Variants in MANBAL observed in about 807,000 individuals in gnomAD.
MANBAL encodes protein MANBAL.
MANBAL carries 1 observed loss-of-function variant against 6.4 expected under a neutral mutation model. The observed-to-expected ratio is 0.16, with a 90% CI of 0.06 to 0.74. The LOEUF is 0.74. Among genes scored for constraint, MANBAL ranks in the 30% least tolerant of loss-of-function variants. The probability of loss-of-function intolerance (pLI) is 0.78; values close to 1 mark genes in which losing one functional copy is unlikely to be tolerated. For missense variants in MANBAL, 100 were observed against 107.8 expected (o/e 0.93, Z 0.32); for synonymous variants, 47 against 45.8 (o/e 1.03, Z -0.10).
intron 2 of MANBAL, chr20:37,302,323 G>T: frequency 6.4e-7 from 1 of 1,550,482 alleles, no homozygotes; most frequent in Non-Finnish European, 8.7e-7. Context: ...CAGGTTATTG[G>T]GTACGAATAC....
intron 1 of MANBAL, among the ~76,000 whole-genome samples, chr20:37,291,123 T>G (rs2068857562): frequency 6.6e-6 from 1 of 152,238 alleles, no homozygotes; most frequent in Non-Finnish European, 1.5e-5. Flanking sequence ...GAGCTATACT[T>G]GTCTCAGTGG....
At chr20:37,303,320 AT>A in intron 2 of MANBAL, among the ~76,000 whole-genome samples, 1 of 152,352 alleles carries the variant, frequency 6.6e-6, no homozygotes, top group East Asian at 1.9e-4. Flanking sequence ...CAGTTGGGAC[AT>A]TAGAAGTTTT....
intron 2 of MANBAL, among the ~76,000 whole-genome samples, chr20:37,315,013 GCTT>G (rs1248285000): frequency 2.6e-5 from 4 of 152,026 alleles, no homozygotes; most frequent in African/African-American, 9.7e-5. Context: ...GTCTTAGTCT[GCTT>G]CTTATTTTCC....
rs111489451 is a variant in MANBAL, at chr20:37,301,059, C to T, written c.-56-149C>T. 1,031 of 319,856 alleles carry T rather than the reference C, an allele frequency of 3.2e-3. 12 individuals carry two copies. The highest frequency in any genetic ancestry group is 0.02 in the African/African-American group (930 of 46,354). 19.8% of individuals were successfully genotyped at this position (319,856 alleles called of 1,614,324 possible). A position where few individuals can be genotyped will look rare whatever the true frequency, so the allele number is the denominator to read the frequency against. On this transcript the variant is annotated intron_variant, in intron 1 of 2. Coordinates refer to ENST00000373606, the MANE Select transcript of MANBAL (RefSeq NM_001003897.2). ...TCGGGAGGCCAAGGCAAGAGAATCACTTGAACCCAGGAGGCCGAAGTTGCA... is the reference window on the plus strand; with the variant it reads ...TCGGGAGGCCAAGGCAAGAGAATCATTTGAACCCAGGAGGCCGAAGTTGCA...
chr20:37,305,039 ACCTTGG>A (rs2069226053), intron 2 of MANBAL, among the ~76,000 whole-genome samples: 1 of 152,036 alleles, frequency 6.6e-6, no homozygotes, highest in Non-Finnish European at 1.5e-5. Context: ...GGGTGGGAAA[ACCTTGG>A]TGAACAGGGA....
At chr20:37,297,096 A>G (rs904541838) in intron 1 of MANBAL, 2 of 152,094 alleles carry the variant, frequency 1.3e-5, no homozygotes, top group Non-Finnish European at 2.9e-5. Flanking sequence ...AACTGCGGAG[A>G]AATGAGGACG....
At chr20:37,309,827 A>C (rs1033711967) in intron 2 of MANBAL, among the ~76,000 whole-genome samples, 1 of 152,152 alleles carries the variant, frequency 6.6e-6, no homozygotes, top group African/African-American at 2.4e-5. Flanking sequence ...CCAGGCAAGC[A>C]TCCACCCATT....
At chr20:37,300,828 G>A (rs779518477) in intron 1 of MANBAL, among the ~76,000 whole-genome samples, 2 of 152,168 alleles carry the variant, frequency 1.3e-5, no homozygotes, top group Non-Finnish European at 2.9e-5. Context: ...TCTTGGGTGT[G>A]TGTGTGTGTG....
chr20:37,315,633 C>T (rs1401658046), intron 2 of MANBAL, among the ~76,000 whole-genome samples: 4 of 152,384 alleles, frequency 2.6e-5, no homozygotes, highest in East Asian at 1.9e-4. Flanking sequence ...CTGCTCCTGT[C>T]GCCCAGGGAG....
At chr20:37,291,766 A>C (rs981775418) in intron 1 of MANBAL, among the ~76,000 whole-genome samples, 5 of 151,966 alleles carry the variant, frequency 3.3e-5, no homozygotes, top group African/African-American at 1.2e-4. Flanking sequence ...AGGAGATCTG[A>C]TGGTTTTATA....
At chr20:37,303,120 A>G (rs1474477171) in intron 2 of MANBAL, among the ~76,000 whole-genome samples, 1 of 152,238 alleles carries the variant, frequency 6.6e-6, no homozygotes, top group African/African-American at 2.4e-5. Flanking sequence ...CATGTTGCCC[A>G]GGCTGGTCAC....
rs574690003 is a variant in MANBAL at position 37,300,958 on chromosome 20, C to A, written c.-56-250C>A. ...AGGAGTTCAAGACCAGCGTGGCCAACGTGGTGAAACCCTGTCTCTACTAAA... is the reference window on the plus strand; with the variant it reads ...AGGAGTTCAAGACCAGCGTGGCCAAAGTGGTGAAACCCTGTCTCTACTAAA... On this transcript the variant is annotated intron_variant, in intron 1 of 2. Transcript: ENST00000373606. Among the ~76,000 whole-genome samples the A allele has an allele frequency of 1.5e-4, 23 of 152,026 alleles. No homozygotes were observed. In the East Asian group the frequency reaches 4.5e-3, roughly 29 times the overall value.
At chr20:37,312,868 G>A (rs1024323814) in intron 2 of MANBAL, among the ~76,000 whole-genome samples, 9 of 152,148 alleles carry the variant, frequency 5.9e-5, no homozygotes, top group African/African-American at 1.7e-4. Flanking sequence ...ATGTATATTC[G>A]GTTTTAAGTC....
intron 2 of MANBAL, among the ~76,000 whole-genome samples, chr20:37,311,975 G>A (rs759550802): frequency 1.3e-5 from 2 of 152,160 alleles, no homozygotes; most frequent in African/African-American, 2.4e-5. Flanking sequence ...TCTAGAGCCC[G>A]TTGGAAAGCG....
At chr20:37,306,133 T>A (rs1261863082) in intron 2 of MANBAL, among the ~76,000 whole-genome samples, 1 of 151,910 alleles carries the variant, frequency 6.6e-6, no homozygotes, top group East Asian at 1.9e-4. Context: ...GGGGCAGAAG[T>A]GAGGGTGGGA....
At chr20:37,308,730 C>A (rs2069315719) in intron 2 of MANBAL, among the ~76,000 whole-genome samples, 1 of 151,686 alleles carries the variant, frequency 6.6e-6, no homozygotes, top group Non-Finnish European at 1.5e-5. Flanking sequence ...CTCCTCCAAG[C>A]CTCTTCCGGA....
intron 1 of MANBAL, among the ~76,000 whole-genome samples, chr20:37,291,832 T>C (rs115654620): frequency 0.031 from 4,694 of 152,314 alleles, 104 homozygotes; most frequent in African/African-American, 0.058. Context: ...GACATGCCCT[T>C]GCCTCCCCTT....
In MANBAL at chr20:37,311,158, C is replaced by T. The variant is rs148643661; in HGVS notation, c.151-5150C>T. 9.9e-3 allele frequency among the ~76,000 whole-genome samples: 1,501 copies of T among 152,336 alleles called. 14 individuals are homozygous for T. The highest frequency in any genetic ancestry group is 0.037 in the Middle Eastern group (11 of 294). ...GATGGAGAGGCTCGGTGAGCATCCA[C>T]ATGGCACACAGCCACTAAGTGTGCG... On this transcript the variant is annotated intron_variant, in intron 2 of 2. Coordinates refer to ENST00000373606, the MANE Select transcript of MANBAL (RefSeq NM_001003897.2).
intron 2 of MANBAL, among the ~76,000 whole-genome samples, chr20:37,305,876 A>G (rs927329082): frequency 1.3e-5 from 2 of 152,188 alleles, no homozygotes; most frequent in Non-Finnish European, 2.9e-5. Context: ...AAGGAAACAC[A>G]GCATTCTGTG....
Sources: gnomAD v4.1 joint callset for allele counts (sites outside exome capture counted in the v4.1 genomes callset) on GRCh38, gnomAD v4.1.1 for gene constraint, MANE v1.5 for transcripts, NCBI Gene and HGNC (gene_info 2026-07-23, HGNC 2026-07-21) for gene names.